The following NT5C2 variants were observed in gnomAD, a reference collection of about 807,000 sequenced individuals.
The protein encoded by NT5C2 is cytosolic purine 5'-nucleotidase.
Under a neutral mutation model 76.1 loss-of-function variants are expected in NT5C2, and 58 were observed. That is an observed-to-expected ratio of 0.76 (90% CI 0.62 to 0.95). The LOEUF is 0.95. NT5C2 is among the 40% of genes least tolerant of loss of function. The probability of loss-of-function intolerance (pLI) is 0.00; values close to 1 mark genes in which losing one functional copy is unlikely to be tolerated. For missense variants in NT5C2, 478 were observed against 690.3 expected (o/e 0.69, Z 3.45); for synonymous variants, 229 against 237.4 (o/e 0.96, Z 0.32).
intron 2 of NT5C2, among the ~76,000 whole-genome samples, chr10:103,179,128 T>C (rs1207202686): frequency 6.7e-6 from 1 of 149,606 alleles, no homozygotes; most frequent in Non-Finnish European, 1.5e-5. Flanking sequence ...TTTGTATTTT[T>C]AGTACAGACG....
At chr10:103,141,353 G>C (rs1020983331) in intron 3 of NT5C2, among the ~76,000 whole-genome samples, 3 of 152,146 alleles carry the variant, frequency 2.0e-5, no homozygotes, top group African/African-American at 4.8e-5. Context: ...AGCTACTTGG[G>C]AGGCTGAGGT....
chr10:103,162,846 T>C (rs2085277774), intron 3 of NT5C2, among the ~76,000 whole-genome samples: 1 of 152,226 alleles, frequency 6.6e-6, no homozygotes, highest in South Asian at 2.1e-4. Flanking sequence ...ATACACTGTT[T>C]ATGTATACAT....
intron 4 of NT5C2, among the ~76,000 whole-genome samples, chr10:103,124,644 G>A (rs1384093181): frequency 2.6e-5 from 4 of 151,732 alleles, no homozygotes; most frequent in East Asian, 1.9e-4. Flanking sequence ...CTGCCACACC[G>A]CCCCTCCCCC....
In NT5C2 at chr10:103,089,212, T is replaced by TAATACATTTCTCCACTG; in HGVS notation, c.*443_*459dup. ...CAGAGACTACATTTGATCATGGAAA[T>TAATACATTTCTCCACTG]AATACATTTCTCCACTGATATACAA... On this transcript the variant is annotated 3_prime_UTR_variant, in exon 19 of 19. Coordinates refer to ENST00000404739, the MANE Select transcript of NT5C2 (RefSeq NM_001351169.2). 4.5e-6 allele frequency: 1 copy of TAATACATTTCTCCACTG among 221,796 alleles called. No individual in the cohort carries two copies. 13.7% of individuals were successfully genotyped at this position (221,796 alleles called of 1,614,324 possible). A position where few individuals can be genotyped will look rare whatever the true frequency, so the allele number is the denominator to read the frequency against.
chr10:103,147,971 C>A (rs1337297352), intron 3 of NT5C2, among the ~76,000 whole-genome samples: 2 of 151,882 alleles, frequency 1.3e-5, no homozygotes, highest in South Asian at 2.1e-4. Flanking sequence ...TTGAATGATA[C>A]GTGAATTGTA....
At chr10:103,152,121 A>G (rs552286539) in intron 3 of NT5C2, among the ~76,000 whole-genome samples, 1 of 152,362 alleles carries the variant, frequency 6.6e-6, no homozygotes, top group Admixed American at 6.5e-5. Context: ...CTTTATAAAC[A>G]ACCCTGTGTA....
At chr10:103,176,497 C>T (rs1459723981) in intron 2 of NT5C2, among the ~76,000 whole-genome samples, 1 of 152,294 alleles carries the variant, frequency 6.6e-6, no homozygotes, top group East Asian at 1.9e-4. Flanking sequence ...CAGCCTCCCG[C>T]CGTTGAGTTT....
chr10:103,134,825 T>C (rs2078878906), intron 4 of NT5C2, among the ~76,000 whole-genome samples: 1 of 152,156 alleles, frequency 6.6e-6, no homozygotes, highest in African/African-American at 2.4e-5. Context: ...CCCAAAACCA[T>C]GGGAATCCAC....
intron 1 of NT5C2, among the ~76,000 whole-genome samples, chr10:103,186,558 A>C (rs2092035205): frequency 6.6e-6 from 1 of 152,222 alleles, no homozygotes; most frequent in Non-Finnish European, 1.5e-5. Flanking sequence ...AGAGAGAATT[A>C]ATTCAAGATT....
Position 103,166,434 on chromosome 10 carries a change from GAT to G in NT5C2, c.101+8422_101+8423del, listed in dbSNP as rs1233127552. 3.9e-5 allele frequency among the ~76,000 whole-genome samples: 6 copies of G among 152,278 alleles called. No individual in the cohort carries two copies. In the South Asian group the frequency reaches 1.2e-3, roughly 32 times the overall value. The stretch of plus-strand genomic sequence containing the variant: ...TACTAACTCAGCATAATTCTCTTGA[GAT>G]ATATCAAAGCTGTTGCACGTATCAA... On this transcript the variant is annotated intron_variant, in intron 3 of 18. Transcript: ENST00000404739.
At chr10:103,098,632 C>T in intron 10 of NT5C2, 1 of 308,886 alleles carries the variant, frequency 3.2e-6, no homozygotes, top group Non-Finnish European at 6.0e-6. Flanking sequence ...GATGTGCATA[C>T]AGTAAACCTC....
intron 4 of NT5C2, among the ~76,000 whole-genome samples, chr10:103,112,975 TC>T (rs1345698984): frequency 1.3e-5 from 2 of 152,006 alleles, no homozygotes; most frequent in Non-Finnish European, 2.9e-5. Context: ...TATATGAAAA[TC>T]CTCCTAACAC....
Position 103,183,351 on chromosome 10 carries a change from T to A in NT5C2, c.-168-2023A>T, listed in dbSNP as rs1273124060. Among the ~76,000 whole-genome samples the A allele has an allele frequency of 4.2e-5, 5 of 118,964 alleles. No homozygotes were observed. The South Asian group carries it at 1.2e-3, about 27-fold the overall frequency. 78.0% of individuals were successfully genotyped at this position (118,964 alleles called of 152,430 possible). ...ATTATTAGCTTTTTTTTTTTTTTTT[T>A]AACAATCTATCCCTCCTTCTTGGAA... On this transcript the variant is annotated intron_variant, in intron 1 of 18. Coordinates refer to ENST00000404739, the MANE Select transcript of NT5C2 (RefSeq NM_001351169.2).
intron 3 of NT5C2, among the ~76,000 whole-genome samples, chr10:103,140,987 T>C (rs1037481732): frequency 6.6e-6 from 1 of 152,192 alleles, no homozygotes; most frequent in Admixed American, 6.5e-5. Context: ...TTTTTGTTTC[T>C]CCTTTGCTGC....
chr10:103,134,650 C>T (rs978602907), intron 4 of NT5C2, among the ~76,000 whole-genome samples: 1 of 152,140 alleles, frequency 6.6e-6, no homozygotes, highest in Non-Finnish European at 1.5e-5. Flanking sequence ...TAGGGCACTG[C>T]CTATTGGAGC....
chr10:103,095,984 GA>G lies in NT5C2; in HGVS notation c.772-5del, dbSNP rs767341883. Reference sequence around the variant, plus strand: ...CAAACAGGTAAGTCATAATTTTCTGGAAAAAAAAATTTAACATAAGGTCCAT... The same window carrying G: ...CAAACAGGTAAGTCATAATTTTCTGGAAAAAAAATTTAACATAAGGTCCAT... On this transcript the variant is annotated splice_region_variant and splice_polypyrimidine_tract_variant and intron_variant, in intron 11 of 18. Coordinates refer to ENST00000404739, the MANE Select transcript of NT5C2 (RefSeq NM_001351169.2). 29 of 1,604,356 alleles carry G rather than the reference GA, an allele frequency of 1.8e-5. No individual in the cohort carries two copies. The highest frequency in any genetic ancestry group is 6.7e-5 in the African/African-American group (5 of 74,222).
At chr10:103,177,861 A>T (rs763097612) in intron 2 of NT5C2, among the ~76,000 whole-genome samples, 1 of 152,208 alleles carries the variant, frequency 6.6e-6, no homozygotes, top group Non-Finnish European at 1.5e-5. Context: ...TGCAACCACC[A>T]ACTCCTTTTA....
At chr10:103,110,193 C>A (rs557854846) in intron 4 of NT5C2, among the ~76,000 whole-genome samples, 1 of 152,132 alleles carries the variant, frequency 6.6e-6, no homozygotes, top group Non-Finnish European at 1.5e-5. Flanking sequence ...CCAGCACTTA[C>A]ACCTGTAATC....
intron 3 of NT5C2, chr10:103,153,641 A>G (rs2082790567): frequency 1.0e-6 from 1 of 985,456 alleles, no homozygotes; most frequent in Non-Finnish European, 1.2e-6. Context: ...TGGCAAACAC[A>G]GAAAAAGCAA....
Sources: gnomAD v4.1 joint callset for allele counts (sites outside exome capture counted in the v4.1 genomes callset) on GRCh38, gnomAD v4.1.1 for gene constraint, MANE v1.5 for transcripts, NCBI Gene and HGNC (gene_info 2026-07-23, HGNC 2026-07-21) for gene names.